Variants in INVS observed in about 807,000 individuals in gnomAD.
The protein encoded by INVS is inversion of embryo turning homolog.
A neutral mutation model predicts 108.8 loss-of-function variants in INVS; 86 were observed. That is an observed-to-expected ratio of 0.79 (90% confidence interval 0.66 to 0.95). The LOEUF (loss-of-function observed/expected upper bound fraction) is 0.95. Ranked by LOEUF, INVS falls within the 40% of genes least tolerant of loss-of-function variation. The pLI, the probability that INVS is intolerant of heterozygous loss-of-function variation, is 0.00. For missense variants in INVS, 1,169 were observed against 1,297.4 expected (o/e 0.90, Z 1.52); for synonymous variants, 455 against 473.5 (o/e 0.96, Z 0.51).
intron 3 of INVS, among the ~76,000 whole-genome samples, chr9:100,184,220 A>G (rs1395812765): frequency 6.6e-6 from 1 of 152,232 alleles, no homozygotes; most frequent in Non-Finnish European, 1.5e-5. Context: ...GGTCTGAGGT[A>G]GAAACCAGAC....
chr9:100,100,137 C>T (rs572503537), intron 1 of INVS, among the ~76,000 whole-genome samples: 38 of 152,178 alleles, frequency 2.5e-4, no homozygotes, highest in African/African-American at 8.7e-4. Context: ...AGGATGATGA[C>T]ACCTTTGCAT....
intron 2 of INVS, among the ~76,000 whole-genome samples, chr9:100,106,729 T>C (rs1037506939): frequency 2.0e-4 from 31 of 152,132 alleles, no homozygotes; most frequent in African/African-American, 7.5e-4. Context: ...ATTCTCAACA[T>C]GATGCTTCTA....
At chr9:100,225,341 C>A (rs114270016) in intron 3 of INVS, among the ~76,000 whole-genome samples, 25,972 of 151,944 alleles carry the variant, frequency 0.17, 3,294 homozygotes, top group African/African-American at 0.36. Context: ...AGCCACCACG[C>A]CCGGCCCTGG....
intron 3 of INVS, among the ~76,000 whole-genome samples, chr9:100,158,931 C>T (rs1357246746): frequency 6.6e-6 from 1 of 152,120 alleles, no homozygotes; most frequent in East Asian, 1.9e-4. Context: ...CCCGTTCTCT[C>T]TCTCCCTCTC....
At chr9:100,150,642 G>A (rs960642498) in intron 3 of INVS, among the ~76,000 whole-genome samples, 1 of 151,962 alleles carries the variant, frequency 6.6e-6, no homozygotes. Flanking sequence ...TTATGTCATA[G>A]GGCCATTATT....
Position 100,175,178 on chromosome 9 carries a change from A to T in INVS, c.273+48629A>T. The T allele has an allele frequency of 8.3e-6, 4 of 482,714 alleles. No individual in the cohort carries two copies. In the South Asian group the frequency reaches 8.4e-5, roughly 10 times the overall value. The allele number at this position is 482,714 out of a possible 1,614,324, so 29.9% of individuals were successfully genotyped here. A position where few individuals can be genotyped will look rare whatever the true frequency, so the allele number is the denominator to read the frequency against. On this transcript the variant is annotated intron_variant, in intron 3 of 16. Transcript: ENST00000262457. ...TTTCCTCCCCTTTTTCAATAATAACATGAGTGTGCATCCAGCTTGTCCCCA... is the reference window on the plus strand; with the variant it reads ...TTTCCTCCCCTTTTTCAATAATAACTTGAGTGTGCATCCAGCTTGTCCCCA...
chr9:100,160,441 C>T (rs1417065640), intron 3 of INVS, among the ~76,000 whole-genome samples: 2 of 152,186 alleles, frequency 1.3e-5, no homozygotes, highest in Admixed American at 1.3e-4. Context: ...AACAGCATAG[C>T]AGATTACCTT....
chr9:100,273,441 A>G (rs1358601588), intron 12 of INVS, among the ~76,000 whole-genome samples: 1 of 151,616 alleles, frequency 6.6e-6, no homozygotes, highest in African/African-American at 2.4e-5. Flanking sequence ...AAACATGCCA[A>G]TATCTAGCCT....
intron 3 of INVS, among the ~76,000 whole-genome samples, chr9:100,197,437 G>T (rs1830411610): frequency 6.6e-6 from 1 of 152,096 alleles, no homozygotes; most frequent in African/African-American, 2.4e-5. Context: ...ATAGAAAAAA[G>T]AAAAGATAAG....
At chr9:100,209,208 A>C (rs1418013665) in intron 3 of INVS, among the ~76,000 whole-genome samples, 1 of 152,226 alleles carries the variant, frequency 6.6e-6, no homozygotes, top group African/African-American at 2.4e-5. Flanking sequence ...GGTTAAGGAA[A>C]ATAAAAATTA....
chr9:100,195,742 C>T (rs1214967825), intron 3 of INVS, among the ~76,000 whole-genome samples: 2 of 152,174 alleles, frequency 1.3e-5, no homozygotes, highest in Admixed American at 6.5e-5. Flanking sequence ...CCCTCCTTGG[C>T]CTCCCAAAAT....
chr9:100,136,655 C>A (rs1016499633), intron 3 of INVS, among the ~76,000 whole-genome samples: 1 of 151,906 alleles, frequency 6.6e-6, no homozygotes, highest in Non-Finnish European at 1.5e-5. Context: ...TATTTGAACA[C>A]GTTTAAATGT....
chr9:100,196,439 A>G (rs1252398227), intron 3 of INVS, among the ~76,000 whole-genome samples: 1 of 151,958 alleles, frequency 6.6e-6, no homozygotes, highest in East Asian at 1.9e-4. Context: ...ATACCTTGTG[A>G]CTCTGGCTTG....
At chr9:100,248,732 C>G (rs1040716985) in intron 8 of INVS, among the ~76,000 whole-genome samples, 1 of 151,984 alleles carries the variant, frequency 6.6e-6, no homozygotes, top group African/African-American at 2.4e-5. Flanking sequence ...GGGCCTGGGT[C>G]TCTGTAAATC....
intron 1 of INVS, among the ~76,000 whole-genome samples, chr9:100,100,620 G>A (rs1413568450): frequency 6.7e-5 from 4 of 59,740 alleles, no homozygotes; most frequent in Non-Finnish European, 2.9e-5. Flanking sequence ...TATAATATAT[G>A]TATATATAAT....
chr9:100,252,444 C>A lies in INVS; in HGVS notation c.1234+6C>A. The stretch of plus-strand genomic sequence containing the variant: ...GATTCAGACACTCATTAAAGGTGGG[C>A]TAATAAGAGTACTCCTAATAAGTCT... On this transcript the variant is annotated splice_donor_region_variant and intron_variant, in intron 9 of 16. Coordinates refer to ENST00000262457, the MANE Select transcript of INVS (RefSeq NM_014425.5). 6.2e-7 allele frequency: 1 copy of A among 1,612,950 alleles called. No homozygotes were observed. Among genetic ancestry groups the A allele is most frequent in the Non-Finnish European group, 8.5e-7 (1 of 1,179,026 alleles).
intron 3 of INVS, among the ~76,000 whole-genome samples, chr9:100,132,199 T>A (rs1400894800): frequency 1.3e-5 from 2 of 149,190 alleles, no homozygotes; most frequent in African/African-American, 5.0e-5. Context: ...TGCCACTTAA[T>A]AAAGACAGTA....
At chr9:100,183,274 TAAAAA>T (rs1010333058) in intron 3 of INVS, among the ~76,000 whole-genome samples, 4 of 151,492 alleles carry the variant, frequency 2.6e-5, no homozygotes, top group African/African-American at 4.9e-5. Flanking sequence ...AAAGTATAAT[TAAAAA>T]AAGAAAAGAC....
At chr9:100,133,136 G>T (rs1438463825) in intron 3 of INVS, among the ~76,000 whole-genome samples, 5 of 152,006 alleles carry the variant, frequency 3.3e-5, no homozygotes, top group Admixed American at 6.6e-5. Context: ...AAACAATGGA[G>T]AACTGAGAAA....
Sources: gnomAD v4.1 joint callset for allele counts (sites outside exome capture counted in the v4.1 genomes callset) on GRCh38, gnomAD v4.1.1 for gene constraint, MANE v1.5 for transcripts, NCBI Gene and HGNC (gene_info 2026-07-23, HGNC 2026-07-21) for gene names.